MGAT5B: variants seen among roughly 807,000 people sequenced by gnomAD.
MGAT5B encodes N-acetylglucosaminyl-transferase Vb.
Under a neutral mutation model 95.1 loss-of-function variants are expected in MGAT5B, and 54 were observed. That is an observed-to-expected ratio of 0.57 (90% CI 0.46 to 0.71). The LOEUF (loss-of-function observed/expected upper bound fraction) is 0.71, where lower values mean the gene tolerates loss of function less well. Among genes scored for constraint, MGAT5B ranks in the 30% least tolerant of loss-of-function variants. The pLI, the probability that MGAT5B is intolerant of heterozygous loss-of-function variation, is 0.00. For synonymous variants in MGAT5B, 464 were observed against 451.0 expected (o/e 1.03, Z -0.36); for missense variants, 935 against 1,088.6 (o/e 0.86, Z 1.99).
At chr17:76,913,440 C>T (rs989870939) in intron 8 of MGAT5B, among the ~76,000 whole-genome samples, 1 of 152,218 alleles carries the variant, frequency 6.6e-6, no homozygotes, top group African/African-American at 2.4e-5. Context: ...GGATGCTGCT[C>T]TTCTCTGAGG....
In MGAT5B at chr17:76,940,433, G is replaced by A; in HGVS notation, c.1616G>A (p.Gly539Asp). The A allele has an allele frequency of 1.2e-6, 2 of 1,612,206 alleles. No individual in the cohort carries two copies. Among genetic ancestry groups the A allele is most frequent in the Non-Finnish European group, 1.7e-6 (2 of 1,178,954 alleles). The change falls in exon 14 of 18, where the codon GGC becomes GAC. Residue 539 changes from glycine to aspartate, a missense_variant. Around this residue, in one of 4 missense-constraint regions of MGAT5B, gnomAD observed 440 missense variants for 523.6 expected, o/e 0.84. Coordinates refer to ENST00000569840, the MANE Select transcript of MGAT5B (RefSeq NM_001199172.2). The surrounding 1 kb of genome is among the most constrained non-coding windows in gnomAD (Gnocchi z 4.3). ...LFIGFGFPYE[G>D]PAPLEAIANG... Reference sequence around the variant, plus strand: ...ATCGGGTTTGGCTTCCCCTACGAGGGCCCCGCCCCCCTGGAGGCCATCGCC... The same window carrying A: ...ATCGGGTTTGGCTTCCCCTACGAGGACCCCGCCCCCCTGGAGGCCATCGCC...
intron 17 of MGAT5B, 57 bp from the exon 18 acceptor site, chr17:76,948,583 C>T: frequency 6.5e-7 from 1 of 1,536,300 alleles, no homozygotes; most frequent in Admixed American, 1.9e-5. Context: ...TACCCCGCCC[C>T]AGCCCTTCTG....
intron 3 of MGAT5B, among the ~76,000 whole-genome samples, chr17:76,893,337 T>C (rs1598915247): frequency 6.6e-6 from 1 of 152,136 alleles, no homozygotes; most frequent in African/African-American, 2.4e-5. Flanking sequence ...ACGTGGATGA[T>C]GGGGCCTCCT....
chr17:76,901,281 T>C (rs1462751768), intron 3 of MGAT5B, among the ~76,000 whole-genome samples: 1 of 151,794 alleles, frequency 6.6e-6, no homozygotes, highest in Non-Finnish European at 1.5e-5. Context: ...AAATCCTTCA[T>C]CGAATTCCCA....
rs192179313 is a variant in MGAT5B, at chr17:76,889,213, G to A, written c.329+6915G>A. On this transcript the variant is annotated intron_variant, in intron 3 of 17. Coordinates refer to ENST00000569840, the MANE Select transcript of MGAT5B (RefSeq NM_001199172.2). The surrounding 1 kb of genome is among the most constrained non-coding windows in gnomAD (Gnocchi z 4.4). Reference sequence around the variant, plus strand: ...GCAGTGTCAGCCCTGGGAGCTCGCCGTGTGACCTTGGGAAAGCCACTATAT... The same window carrying A: ...GCAGTGTCAGCCCTGGGAGCTCGCCATGTGACCTTGGGAAAGCCACTATAT... Among the ~76,000 whole-genome samples, 150 of 152,232 alleles carry A rather than the reference G, an allele frequency of 9.9e-4. 1 individual carries two copies. Among genetic ancestry groups the A allele is most frequent in the African/African-American group, 3.5e-3 (145 of 41,522 alleles).
At chr17:76,872,722 C>T (rs1967051893) in intron 1 of MGAT5B, 129 bp from the exon 2 acceptor site, 2 of 1,562,652 alleles carry the variant, frequency 1.3e-6, no homozygotes, top group African/African-American at 2.7e-5. Flanking sequence ...AGCCCCCATC[C>T]TTTCATTCTC....
At chr17:76,921,444 A>T (rs35957261) in intron 8 of MGAT5B, among the ~76,000 whole-genome samples, 1,883 of 151,562 alleles carry the variant, frequency 0.012, 40 homozygotes, top group African/African-American at 0.043. Flanking sequence ...ATTGCTCAGC[A>T]GGGGGCCCCT....
intron 10 of MGAT5B, among the ~76,000 whole-genome samples, chr17:76,931,853 C>T (rs780105630): frequency 5.3e-5 from 8 of 152,018 alleles, no homozygotes; most frequent in Non-Finnish European, 1.0e-4. Context: ...TGCCTATGGG[C>T]GCAGGTGGAG....
chr17:76,883,150 A>G lies in MGAT5B; in HGVS notation c.329+852A>G, dbSNP rs138717002. ...GTAGCTGGGATTATAGGAGAGCACC[A>G]CCACGCCAGTTAATTTTTCTGTTCT... On this transcript the variant is annotated intron_variant, in intron 3 of 17. Transcript: ENST00000569840. Among the ~76,000 whole-genome samples, 1,191 of 151,976 alleles carry G rather than the reference A, an allele frequency of 7.8e-3. 10 individuals carry two copies. The highest frequency in any genetic ancestry group is 0.027 in the African/African-American group (1,122 of 41,408).
intron 2 of MGAT5B, among the ~76,000 whole-genome samples, chr17:76,878,377 G>A (rs1967274812): frequency 6.6e-6 from 1 of 152,192 alleles, no homozygotes; most frequent in South Asian, 2.1e-4. Flanking sequence ...GTCTGATGGG[G>A]TGGGGCTTGA....
chr17:76,944,193 C>G (rs1185922963), intron 15 of MGAT5B: 1 of 152,184 alleles, frequency 6.6e-6, no homozygotes, highest in Non-Finnish European at 1.5e-5. Context: ...GGGGTAATTT[C>G]CAGGCCAGGC....
At position 76,948,941 on chromosome 17, in the gene MGAT5B, C is replaced by G. The variant is rs777667238; in HGVS notation, c.*103C>G. The G allele has an allele frequency of 1.6e-6, 2 of 1,270,440 alleles. No homozygotes were observed. The highest frequency in any genetic ancestry group is 2.1e-6 in the Non-Finnish European group (2 of 935,130). 78.7% of individuals were successfully genotyped at this position (1,270,440 alleles called of 1,614,324 possible). On this transcript the variant is annotated 3_prime_UTR_variant, in exon 18 of 18. Coordinates refer to ENST00000569840, the MANE Select transcript of MGAT5B (RefSeq NM_001199172.2). ...CCTGGCTGCTTGTCCTCCTCGCAAC[C>G]CCCCCAGGCCGGAGCTTCCTTCCTT...
Position 76,914,050 on chromosome 17 carries a change from G to A in MGAT5B, c.1025+7863G>A, listed in dbSNP as rs572095930. On this transcript the variant is annotated intron_variant, in intron 8 of 17. Coordinates refer to ENST00000569840, the MANE Select transcript of MGAT5B (RefSeq NM_001199172.2). This position sits in a 1 kb window ranked among gnomAD's most constrained non-coding sequence, Gnocchi z 5.1. ...TGGGAAGTCGAGGCTACAGTCAGCC[G>A]TGATCATGCTACTGCACTCTAGCTT... The A allele has an allele frequency of 4.9e-5, 15 of 304,408 alleles. No homozygotes were observed. Among genetic ancestry groups the A allele is most frequent in the African/African-American group, 8.7e-5 (4 of 46,022 alleles). The allele number at this position is 304,408 out of a possible 1,614,324, so 18.9% of individuals were successfully genotyped here.
chr17:76,891,772 T>C (rs1223501057), intron 3 of MGAT5B, among the ~76,000 whole-genome samples: 2 of 152,224 alleles, frequency 1.3e-5, no homozygotes, highest in Non-Finnish European at 2.9e-5. Flanking sequence ...TGCTTACTCC[T>C]TCACGCAGCC....
rs201785876 is a variant in MGAT5B at position 76,905,958 on chromosome 17, G to T, written c.856-60G>T. 9.3e-6 allele frequency: 14 copies of T among 1,499,130 alleles called. No individual in the cohort carries two copies. The highest frequency in any genetic ancestry group is 4.3e-5 in the African/African-American group (3 of 69,172). The allele number at this position is 1,499,130 out of a possible 1,614,324, so 92.9% of individuals were successfully genotyped here. On this transcript the variant is annotated intron_variant, in intron 7 of 17. Coordinates refer to ENST00000569840, the MANE Select transcript of MGAT5B (RefSeq NM_001199172.2). This position sits in a 1 kb window ranked among gnomAD's most constrained non-coding sequence, Gnocchi z 4.2. ...GCTGGTCTCCTGGCCGGTGCCCCGGGGGGGCGGGGCTCAGAGCTGCTGCTC... is the reference window on the plus strand; with the variant it reads ...GCTGGTCTCCTGGCCGGTGCCCCGGTGGGGCGGGGCTCAGAGCTGCTGCTC...
chr17:76,895,248 A>G (rs1403443135), intron 3 of MGAT5B, among the ~76,000 whole-genome samples: 1 of 151,708 alleles, frequency 6.6e-6, no homozygotes, highest in African/African-American at 2.4e-5. Flanking sequence ...TCACCCCCAA[A>G]TGGGACCATC....
rs1567820984 is a variant in MGAT5B, at chr17:76,932,545, CCTGCCAAA to C, written c.1292-99_1292-92del. 21 of 1,546,630 alleles carry C rather than the reference CCTGCCAAA, an allele frequency of 1.4e-5. No homozygotes were observed. In the East Asian group the frequency reaches 4.8e-4, roughly 35 times the overall value. ...CCTGTGCCCCGCCCCCTTTCCCACCCCTGCCAAAAGAGGACCTCTTGGGCGGGGCAGTC... is the reference window on the plus strand; with the variant it reads ...CCTGTGCCCCGCCCCCTTTCCCACCCAGAGGACCTCTTGGGCGGGGCAGTC... On this transcript the variant is annotated intron_variant, in intron 10 of 17. Transcript: ENST00000569840.
At position 76,932,654 on chromosome 17, in the gene MGAT5B, C is replaced by T. The variant is rs762074348; in HGVS notation, c.1301C>T (p.Pro434Leu). ...KQFMTMFPHT[P>L]DNSFMGFVSE... ...CGTGCTCGGGCTGCAGCTCATACCCCCGACAACTCCTTCATGGGCTTCGTG... is the reference window on the plus strand; with the variant it reads ...CGTGCTCGGGCTGCAGCTCATACCCTCGACAACTCCTTCATGGGCTTCGTG... The change falls in exon 11 of 18, where the codon CCC becomes CTC. Residue 434 changes from proline (P) to leucine (L), a missense_variant. Pro to Leu is a moderately conservative substitution (Grantham distance 98, BLOSUM62 -3). Coordinates refer to ENST00000569840, the MANE Select transcript of MGAT5B (RefSeq NM_001199172.2). The T allele has an allele frequency of 6.2e-7, 1 of 1,613,798 alleles. No homozygotes were observed. The highest frequency in any genetic ancestry group is 8.5e-7 in the Non-Finnish European group (1 of 1,179,872).
Position 76,914,631 on chromosome 17 carries a change from A to G in MGAT5B, c.1025+8444A>G, listed in dbSNP as rs1189049332. On this transcript the variant is annotated intron_variant, in intron 8 of 17. Transcript: ENST00000569840. The surrounding 1 kb of genome is among the most constrained non-coding windows in gnomAD (Gnocchi z 5.1). ...CCTCCATGCATGACTCTGTGTCCACATTTCTTCTTCCTCTTTTTTTTTTTT... is the reference window on the plus strand; with the variant it reads ...CCTCCATGCATGACTCTGTGTCCACGTTTCTTCTTCCTCTTTTTTTTTTTT... Among the ~76,000 whole-genome samples the G allele has an allele frequency of 7.1e-6, 1 of 140,878 alleles. No individual in the cohort carries two copies. The highest frequency in any genetic ancestry group is 7.4e-5 in the Admixed American group (1 of 13,528). 92.4% of individuals were successfully genotyped at this position (140,878 alleles called of 152,430 possible). A position where few individuals can be genotyped will look rare whatever the true frequency, so the allele number is the denominator to read the frequency against.
Sources: allele counts gnomAD v4.1 joint callset (sites outside exome capture counted in the v4.1 genomes callset), GRCh38; gene constraint gnomAD v4.1.1; regional missense constraint gnomAD v4.1.1; non-coding constraint Gnocchi (gnomAD v3.1); transcripts MANE v1.5; gene names NCBI Gene and HGNC (gene_info 2026-07-23, HGNC 2026-07-21).